NCOA7: variants seen among roughly 807,000 people sequenced by gnomAD.
NCOA7 encodes nuclear receptor coactivator 7, also known as 140 kDa estrogen receptor-associated protein.
NCOA7 carries 45 observed loss-of-function variants against 104.3 expected under a neutral mutation model. The ratio of observed to expected loss-of-function variants is 0.43; its 90% CI spans 0.34 to 0.55. The LOEUF is 0.55. NCOA7 is among the 20% of genes least tolerant of loss of function. The pLI is 0.02. For synonymous variants in NCOA7, 398 were observed against 402.3 expected (o/e 0.99, Z 0.13); for missense variants, 1,041 against 1,119.7 (o/e 0.93, Z 1.00).
At chr6:125,807,180 A>G (rs1776545343) in intron 1 of NCOA7, among the ~76,000 whole-genome samples, 1 of 152,194 alleles carries the variant, frequency 6.6e-6, no homozygotes, top group Non-Finnish European at 1.5e-5. Context: ...AGCCTAAATC[A>G]TCTATTAGAT....
intron 3 of NCOA7, among the ~76,000 whole-genome samples, chr6:125,857,754 A>G (rs140657398): frequency 2.8e-4 from 42 of 151,262 alleles, no homozygotes; most frequent in African/African-American, 1.0e-3. Flanking sequence ...ACTTATTACC[A>G]CCTATTTTTT....
intron 13 of NCOA7, among the ~76,000 whole-genome samples, chr6:125,925,187 T>G (rs1445482722): frequency 6.6e-6 from 1 of 152,174 alleles, no homozygotes; most frequent in African/African-American, 2.4e-5. Context: ...CCACAGGACA[T>G]AGAGTTCTAA....
chr6:125,924,800 G>A (rs1273582913), intron 13 of NCOA7, among the ~76,000 whole-genome samples: 1 of 152,168 alleles, frequency 6.6e-6, no homozygotes, highest in Non-Finnish European at 1.5e-5. Flanking sequence ...TCCACTCTGG[G>A]CATGTATGGC....
rs569857880 is a variant in NCOA7, at chr6:125,862,589, C to G, written c.271+7349C>G. Among the ~76,000 whole-genome samples the G allele has an allele frequency of 7.9e-5, 11 of 138,504 alleles. 3 individuals are homozygous for G. Among genetic ancestry groups the G allele is most frequent in the Admixed American group, 5.5e-4 (8 of 14,628 alleles). The allele number at this position is 138,504 out of a possible 152,430, so 90.9% of individuals were successfully genotyped here. A position where few individuals can be genotyped will look rare whatever the true frequency, so the allele number is the denominator to read the frequency against. On this transcript the variant is annotated intron_variant, in intron 3 of 15. Coordinates refer to ENST00000392477, the MANE Select transcript of NCOA7 (RefSeq NM_181782.5). Reference sequence around the variant, plus strand: ...ATGGCATTTTTGCCACTGTGGGCTTCAGTGGACTGTTGCTGCTTTTTTTCT... The same window carrying G: ...ATGGCATTTTTGCCACTGTGGGCTTGAGTGGACTGTTGCTGCTTTTTTTCT...
chr6:125,806,896 A>G (rs1335480984), intron 1 of NCOA7, among the ~76,000 whole-genome samples: 1 of 152,222 alleles, frequency 6.6e-6, no homozygotes, highest in Non-Finnish European at 1.5e-5. Flanking sequence ...TTTCATCTCA[A>G]TATTATGAAG....
At chr6:125,904,271 A>G (rs936316637) in intron 10 of NCOA7, among the ~76,000 whole-genome samples, 1 of 152,082 alleles carries the variant, frequency 6.6e-6, no homozygotes, top group Non-Finnish European at 1.5e-5. Context: ...ATTCAACACC[A>G]ACATCCCAGC....
rs1295537625 is a variant in NCOA7 at position 125,880,186 on chromosome 6, G to A, written c.460-904G>A. Among the ~76,000 whole-genome samples, 3 of 152,118 alleles carry A rather than the reference G, an allele frequency of 2.0e-5. No individual in the cohort carries two copies. In the East Asian group the frequency reaches 5.8e-4, roughly 29 times the overall value. On this transcript the variant is annotated intron_variant, in intron 5 of 15. Coordinates refer to ENST00000392477, the MANE Select transcript of NCOA7 (RefSeq NM_181782.5). The stretch of plus-strand genomic sequence containing the variant: ...GTTACACATAACCCAGACACTGTTG[G>A]AAGAGAAAATATTGGGATTATTTTA...
intron 4 of NCOA7, among the ~76,000 whole-genome samples, chr6:125,877,952 T>C (rs1186120525): frequency 6.6e-6 from 1 of 152,194 alleles, no homozygotes; most frequent in African/African-American, 2.4e-5. Context: ...CGTATTTCTT[T>C]TCTTGTTGTA....
intron 6 of NCOA7, among the ~76,000 whole-genome samples, chr6:125,881,977 C>T (rs896550630): frequency 6.6e-6 from 1 of 152,150 alleles, no homozygotes; most frequent in Non-Finnish European, 1.5e-5. Context: ...CCTCAGCCTC[C>T]TAAGTAGCTG....
intron 4 of NCOA7, among the ~76,000 whole-genome samples, chr6:125,877,547 C>G (rs1462900655): frequency 6.6e-6 from 1 of 152,166 alleles, no homozygotes; most frequent in Non-Finnish European, 1.5e-5. Context: ...GAGCTGTTTT[C>G]CTGTGAAGTT....
intron 8 of NCOA7, among the ~76,000 whole-genome samples, chr6:125,885,848 G>T (rs188622419): frequency 6.6e-6 from 1 of 152,302 alleles, no homozygotes; most frequent in African/African-American, 2.4e-5. Flanking sequence ...GCTGTGAAGA[G>T]GGAGTAATAC....
At chr6:125,848,695 TGTAAATGACGA>T (rs909569730) in intron 2 of NCOA7, among the ~76,000 whole-genome samples, 41 of 152,276 alleles carry the variant, frequency 2.7e-4, no homozygotes, top group African/African-American at 9.9e-4. Flanking sequence ...AAATACCTAA[TGTAAATGACGA>T]GTTGATGGGT....
At chr6:125,900,313 A>G (rs940977141) in intron 10 of NCOA7, among the ~76,000 whole-genome samples, 3 of 152,254 alleles carry the variant, frequency 2.0e-5, no homozygotes, top group Non-Finnish European at 4.4e-5. Flanking sequence ...CAAAGAAAAC[A>G]TATTTACTTC....
rs369120491 is a variant in NCOA7, at chr6:125,833,974, T to A, written c.50+18570T>A. On this transcript the variant is annotated intron_variant, in intron 2 of 15. Coordinates refer to ENST00000392477, the MANE Select transcript of NCOA7 (RefSeq NM_181782.5). ...TCCTCTGAGAAATAATAATAGAATT[T>A]AAAAAAATTGTCATGTTAAACTGCA... Among the ~76,000 whole-genome samples, 107 of 152,284 alleles carry A rather than the reference T, an allele frequency of 7.0e-4. No individual in the cohort carries two copies. The East Asian group carries it at 0.015, about 21-fold the overall frequency.
rs936861018 is a variant in NCOA7, at chr6:125,842,604, G to A, written c.51-12416G>A. 2.0e-5 allele frequency among the ~76,000 whole-genome samples: 3 copies of A among 152,068 alleles called. No homozygotes were observed. The East Asian group carries it at 5.8e-4, about 29-fold the overall frequency. ...AAAAAATATTTTGGGAGACTTTCTTGGCTTTGTAAGGGATTATAAACAGCT... is the reference window on the plus strand; with the variant it reads ...AAAAAATATTTTGGGAGACTTTCTTAGCTTTGTAAGGGATTATAAACAGCT... On this transcript the variant is annotated intron_variant, in intron 2 of 15. Transcript: ENST00000392477.
chr6:125,874,780 G>C (rs1350089498), intron 3 of NCOA7, 109 bp from the exon 4 acceptor site: 1 of 728,434 alleles, frequency 1.4e-6, no homozygotes, highest in Non-Finnish European at 2.4e-6. Flanking sequence ...TTTCCTATTA[G>C]TGTCTTTTTG....
intron 2 of NCOA7, among the ~76,000 whole-genome samples, chr6:125,853,469 A>G (rs900001447): frequency 1.2e-4 from 18 of 152,186 alleles, no homozygotes; most frequent in African/African-American, 4.1e-4. Flanking sequence ...AAAGATAGCT[A>G]AACTAAGAGA....
intron 2 of NCOA7, among the ~76,000 whole-genome samples, chr6:125,830,990 G>A (rs1185746644): frequency 1.3e-5 from 2 of 151,964 alleles, no homozygotes; most frequent in Non-Finnish European, 2.9e-5. Context: ...GCCCTCCCTA[G>A]ATTGCGTCAG....
At chr6:125,886,788 A>G (rs1784297785) in intron 8 of NCOA7, among the ~76,000 whole-genome samples, 1 of 152,280 alleles carries the variant, frequency 6.6e-6, no homozygotes, top group Admixed American at 6.5e-5. Context: ...TGATAAAACA[A>G]TAAGTACAAA....
Sources: gnomAD v4.1 joint callset for allele counts (sites outside exome capture counted in the v4.1 genomes callset) on GRCh38, gnomAD v4.1.1 for gene constraint, MANE v1.5 for transcripts, NCBI Gene and HGNC (gene_info 2026-07-23, HGNC 2026-07-21) for gene names.